The following TRIM55 variants were observed in gnomAD, a reference collection of about 807,000 sequenced individuals.
TRIM55 encodes tripartite motif containing 55, also known as tripartite motif-containing protein 55.
In TRIM55, 50 loss-of-function variants were observed where a neutral mutation model predicts 60.9. The ratio of observed to expected loss-of-function variants is 0.82; its 90% CI spans 0.65 to 1.04. TRIM55 has a LOEUF of 1.04. TRIM55 is among the 50% of genes least tolerant of loss of function. The probability of loss-of-function intolerance (pLI) is 0.00; values close to 1 mark genes in which losing one functional copy is unlikely to be tolerated. For synonymous variants in TRIM55, 237 were observed against 238.1 expected (o/e 1.00, Z 0.04); for missense variants, 681 against 666.9 (o/e 1.02, Z -0.23).
intron 2 of TRIM55, among the ~76,000 whole-genome samples, chr8:66,129,082 G>A (rs1320176790): frequency 6.6e-6 from 1 of 152,148 alleles, no homozygotes; most frequent in African/African-American, 2.4e-5. Context: ...GTGAAATTCA[G>A]GTTATGTTTC....
rs1202644099 is a variant in TRIM55, at chr8:66,174,561, T to C, written c.1615T>C (p.Ser539Pro). Residue 539 changes from serine to proline, a missense_variant, in exon 10 of 10, where the codon TCC (serine) becomes CCC (proline). Coordinates refer to ENST00000315962, the MANE Select transcript of TRIM55 (RefSeq NM_184085.2). ...TTCTGAGCCAGCTCGCCATATCTTC[T>C]CCTTTTCCTGGTTGAACTCCCTAAA... The part of the protein sequence containing the change: ...ADSEPARHIF[S>P]FSWLNSLNE 3 of 1,607,082 alleles carry C rather than the reference T, an allele frequency of 1.9e-6. No individual in the cohort carries two copies. The highest frequency in any genetic ancestry group is 2.7e-5 in the African/African-American group (2 of 74,506).
intron 8 of TRIM55, 44 bp from the exon 9 acceptor site, chr8:66,154,003 C>T (rs1810585674): frequency 1.6e-6 from 2 of 1,276,512 alleles, no homozygotes; most frequent in Non-Finnish European, 2.1e-6. Flanking sequence ...TCTTCTTCTT[C>T]TTTTTTTTTT....
At chr8:66,113,472 T>C in the TRIM55 span, 2 of 454,508 alleles carry the variant, frequency 4.4e-6, no homozygotes, top group East Asian at 7.0e-5. Context: ...CAAGTGCGGT[T>C]TTTTTCTCCA....
In TRIM55 at chr8:66,172,947, A is replaced by G. The variant is rs143985590; in HGVS notation, c.1525-1524A>G. Among the ~76,000 whole-genome samples, 4 of 152,314 alleles carry G rather than the reference A, an allele frequency of 2.6e-5. No homozygotes were observed. The East Asian group carries it at 7.7e-4, about 29-fold the overall frequency. On this transcript the variant is annotated intron_variant, in intron 9 of 9. Coordinates refer to ENST00000315962, the MANE Select transcript of TRIM55 (RefSeq NM_184085.2). Reference sequence around the variant, plus strand: ...GTTGTTGTTGTTTTTTGCATAAGCCATACATGAGACTTAAGGGTTTGTTTT... The same window carrying G: ...GTTGTTGTTGTTTTTTGCATAAGCCGTACATGAGACTTAAGGGTTTGTTTT...
intron 4 of TRIM55, among the ~76,000 whole-genome samples, chr8:66,147,074 A>G (rs1301416675): frequency 6.6e-6 from 1 of 152,236 alleles, no homozygotes; most frequent in African/African-American, 2.4e-5. Context: ...CTTCTAAAGC[A>G]TCTGGTATAA....
chr8:66,174,625 C>T lies in TRIM55; in HGVS notation c.*32C>T, dbSNP rs751950699. 1.3e-6 allele frequency: 2 copies of T among 1,562,522 alleles called. No individual in the cohort carries two copies. The highest frequency in any genetic ancestry group is 2.3e-5 in the South Asian group (2 of 86,160). ...TTCCAACTGCTGCCCCTCTGTCTGCCTGGCTGAGATGCATGTGGGCAGCAG... is the reference window on the plus strand; with the variant it reads ...TTCCAACTGCTGCCCCTCTGTCTGCTTGGCTGAGATGCATGTGGGCAGCAG... On this transcript the variant is annotated 3_prime_UTR_variant, in exon 10 of 10. Transcript: ENST00000315962.
At chr8:66,132,991 G>A (rs1008934965) in intron 2 of TRIM55, among the ~76,000 whole-genome samples, 1 of 152,208 alleles carries the variant, frequency 6.6e-6, no homozygotes, top group African/African-American at 2.4e-5. Context: ...GGTCACAGCT[G>A]TTGATATCAG....
intron 4 of TRIM55, among the ~76,000 whole-genome samples, chr8:66,143,996 A>G (rs1809967294): frequency 6.6e-6 from 1 of 152,150 alleles, no homozygotes; most frequent in Non-Finnish European, 1.5e-5. Flanking sequence ...CTTTTAATGT[A>G]AGGTCATCTA....
chr8:66,130,389 C>G (rs1021512356), intron 2 of TRIM55, among the ~76,000 whole-genome samples: 1 of 152,162 alleles, frequency 6.6e-6, no homozygotes, highest in African/African-American at 2.4e-5. Flanking sequence ...GTAGCAAAAC[C>G]ACAAGTTGCA....
chr8:66,130,890 T>A (rs1461672180), intron 2 of TRIM55, among the ~76,000 whole-genome samples: 1 of 151,896 alleles, frequency 6.6e-6, no homozygotes, highest in Non-Finnish European at 1.5e-5. Flanking sequence ...CTCGATCTCC[T>A]GACCTCTTGA....
chr8:66,166,942 G>A (rs1199988970), intron 9 of TRIM55, among the ~76,000 whole-genome samples: 2 of 152,202 alleles, frequency 1.3e-5, no homozygotes, highest in Non-Finnish European at 1.5e-5. Flanking sequence ...GATCGGCACA[G>A]CCTCACAAGA....
chr8:66,141,111 C>A (rs1305606628), intron 4 of TRIM55, among the ~76,000 whole-genome samples: 1 of 152,208 alleles, frequency 6.6e-6, no homozygotes, highest in Non-Finnish European at 1.5e-5. Context: ...GTCCCAAGAC[C>A]AGCCCTGAAG....
At chr8:66,150,559 C>A in intron 7 of TRIM55, 93 bp downstream of exon 7, 1 of 1,441,218 alleles carries the variant, frequency 6.9e-7, no homozygotes, top group Non-Finnish European at 9.6e-7. Context: ...TCAGAATCAC[C>A]TCCAGAATCA....
the TRIM55 span, among the ~76,000 whole-genome samples, chr8:66,118,026 G>A: frequency 2.0e-5 from 3 of 151,152 alleles, no homozygotes; most frequent in Admixed American, 6.6e-5. Flanking sequence ...AAACTTACCC[G>A]GGTGTGGTGG....
intron 9 of TRIM55, among the ~76,000 whole-genome samples, chr8:66,167,395 C>T (rs1165234649): frequency 6.6e-6 from 1 of 152,198 alleles, no homozygotes; most frequent in Non-Finnish European, 1.5e-5. Context: ...AATACATACA[C>T]TGTCTACATG....
chr8:66,144,406 A>T (rs1270224372), intron 4 of TRIM55, among the ~76,000 whole-genome samples: 2 of 152,244 alleles, frequency 1.3e-5, no homozygotes, highest in African/African-American at 4.8e-5. Flanking sequence ...GACAACTTTA[A>T]TTTGGTTCTC....
chr8:66,147,034 A>C (rs973255150), intron 4 of TRIM55, among the ~76,000 whole-genome samples: 2 of 152,164 alleles, frequency 1.3e-5, no homozygotes, highest in Non-Finnish European at 2.9e-5. Context: ...CTCCACCTAC[A>C]CAAAGGGTTG....
At chr8:66,152,262 T>C in intron 7 of TRIM55, 115 bp from the exon 8 acceptor site, 1 of 1,400,402 alleles carries the variant, frequency 7.1e-7, no homozygotes. Context: ...CAAGTGTCTG[T>C]CAGAGAAAAA....
rs771909952 is a variant in TRIM55, at chr8:66,152,508, C to A, written c.1117C>A (p.Pro373Thr). 1 of 1,614,010 alleles carries A rather than the reference C, an allele frequency of 6.2e-7. No individual in the cohort carries two copies. The highest frequency in any genetic ancestry group is 8.5e-7 in the Non-Finnish European group (1 of 1,179,990). The part of the protein sequence containing the change: ...QTEFPGEDEN[P>T]EKASELSQVE... ...AGAGTTTCCAGGAGAAGATGAAAAC[C>A]CAGAAAAAGCTTCAGAGCTCTCTCA... Residue 373 changes from proline to threonine, a missense_variant, in exon 8 of 10, where the codon CCA (proline) becomes ACA (threonine). By Grantham distance (38) the Pro-to-Thr change is conservative. Transcript: ENST00000315962.
Sources: gnomAD v4.1 joint callset for allele counts (sites outside exome capture counted in the v4.1 genomes callset) on GRCh38, gnomAD v4.1.1 for gene constraint, MANE v1.5 for transcripts, NCBI Gene and HGNC (gene_info 2026-07-23, HGNC 2026-07-21) for gene names.